MBNL3: variants seen among roughly 807,000 people sequenced by gnomAD.
The protein encoded by MBNL3 is muscleblind-like protein 3.
A neutral mutation model predicts 24.5 loss-of-function variants in MBNL3; 6 were observed. The ratio of observed to expected loss-of-function variants is 0.25; its 90% confidence interval spans 0.13 to 0.48. The LOEUF is 0.48. Ranked by LOEUF, MBNL3 falls within the 20% of genes least tolerant of loss-of-function variation. The pLI is 0.99. For synonymous variants in MBNL3, 100 were observed against 101.7 expected (o/e 0.98, Z 0.10); for missense variants, 230 against 293.5 (o/e 0.78, Z 1.58).
At chrX:132,415,259 T>C (rs1041499742) in intron 2 of MBNL3, among the ~76,000 whole-genome samples, 1 of 112,327 alleles carries the variant, frequency 8.9e-6, no homozygotes, top group Non-Finnish European at 1.9e-5. Flanking sequence ...AGTTTTGCAC[T>C]AACCTTAAAC....
At chrX:132,422,127 ATGTGTGTG>A (rs113734916) in intron 2 of MBNL3, among the ~76,000 whole-genome samples, 7 of 101,970 alleles carry the variant, frequency 6.9e-5, no homozygotes, top group African/African-American at 1.1e-4. Flanking sequence ...TGAATATACT[ATGTGTGTG>A]TGTGTGTGTG....
chrX:132,413,709 C>T (rs957230962), intron 2 of MBNL3: 11 of 749,865 alleles, frequency 1.5e-5, no homozygotes, highest in South Asian at 4.2e-5. Context: ...TCCCACCCAC[C>T]GGTGGCGCAA....
chrX:132,473,581 T>C (rs1191104159), intron 1 of MBNL3, among the ~76,000 whole-genome samples: 1 of 111,121 alleles, frequency 9.0e-6, no homozygotes, highest in Non-Finnish European at 1.9e-5. Context: ...CATAAAAAGC[T>C]AAAAGCTGAA....
chrX:132,461,264 C>T (rs752368963), intron 1 of MBNL3, among the ~76,000 whole-genome samples: 2 of 111,307 alleles, frequency 1.8e-5, no homozygotes, highest in Non-Finnish European at 3.8e-5. Context: ...TAGCTCAACA[C>T]AGTGAAGAGC....
intron 1 of MBNL3, among the ~76,000 whole-genome samples, chrX:132,450,431 A>T (rs760929563): frequency 1.8e-5 from 2 of 111,689 alleles, no homozygotes; most frequent in Non-Finnish European, 3.8e-5. Context: ...AATCTCTGAT[A>T]TCCTTTCTTC....
At chrX:132,403,452 T>C (rs1411681677) in intron 3 of MBNL3, among the ~76,000 whole-genome samples, 9 of 112,002 alleles carry the variant, frequency 8.0e-5, no homozygotes. Flanking sequence ...TAACATTCTA[T>C]AAAATAAATT....
chrX:132,397,035 G>A (rs1012449514), intron 3 of MBNL3, among the ~76,000 whole-genome samples: 2 of 97,322 alleles, frequency 2.1e-5, no homozygotes, highest in Non-Finnish European at 4.1e-5. Context: ...AATTGAAAAT[G>A]TTTGGCTTTG....
chrX:132,424,734 A>G (rs1437810087), intron 2 of MBNL3, among the ~76,000 whole-genome samples: 1 of 108,556 alleles, frequency 9.2e-6, no homozygotes, highest in African/African-American at 3.4e-5. Flanking sequence ...GTGTCTCTTA[A>G]CTTCTTTCTT....
intron 1 of MBNL3, among the ~76,000 whole-genome samples, chrX:132,441,341 C>T (rs1367542011): frequency 4.5e-5 from 5 of 111,769 alleles, no homozygotes; most frequent in Admixed American, 3.8e-4. Flanking sequence ...GTGAATTTTC[C>T]AGCTCTCTTC....
chrX:132,442,802 G>A (rs2148448137), intron 1 of MBNL3, among the ~76,000 whole-genome samples: 1 of 112,009 alleles, frequency 8.9e-6, no homozygotes, highest in South Asian at 3.7e-4. Flanking sequence ...ATGAAGCCCT[G>A]GCCAATTCTT....
chrX:132,385,971 C>G (rs1395030965), intron 6 of MBNL3, among the ~76,000 whole-genome samples: 2 of 109,860 alleles, frequency 1.8e-5, no homozygotes, highest in Non-Finnish European at 3.8e-5. Flanking sequence ...AGACTATATG[C>G]TCATTCTTAA....
intron 1 of MBNL3, among the ~76,000 whole-genome samples, chrX:132,463,525 A>G (rs929240453): frequency 8.9e-6 from 1 of 112,108 alleles, no homozygotes; most frequent in Non-Finnish European, 1.9e-5. Flanking sequence ...TTTTCATTAA[A>G]AAATCGAATT....
chrX:132,464,993 T>C (rs1946816191), intron 1 of MBNL3, among the ~76,000 whole-genome samples: 1 of 111,847 alleles, frequency 8.9e-6, no homozygotes, highest in African/African-American at 3.3e-5. Context: ...TGCAGTGAGC[T>C]GAGATTGCTC....
In MBNL3 at chrX:132,440,146, A is replaced by G. The variant is rs779011256; in HGVS notation, c.-535T>C. Among the ~76,000 whole-genome samples the G allele has an allele frequency of 1.8e-5, 2 of 110,482 alleles. No individual in the cohort carries two copies. Among genetic ancestry groups the G allele is most frequent in the Non-Finnish European group, 3.8e-5 (2 of 52,896 alleles). On this transcript the variant is annotated 5_prime_UTR_variant, in exon 2 of 9. Coordinates refer to ENST00000370853, the MANE Select transcript of MBNL3 (RefSeq NM_001386889.1). Reference sequence around the variant, plus strand: ...AAAATGACTAAGAAAATTGAGAATCACAGAAAAAAGAAATGGACCAGCTGC... The same window carrying G: ...AAAATGACTAAGAAAATTGAGAATCGCAGAAAAAAGAAATGGACCAGCTGC...
chrX:132,452,059 A>C (rs1407200412), intron 1 of MBNL3, among the ~76,000 whole-genome samples: 2 of 110,504 alleles, frequency 1.8e-5, no homozygotes, highest in Non-Finnish European at 3.8e-5. Flanking sequence ...TGCAGAAATC[A>C]CCTGTCTTCT....
intron 1 of MBNL3, among the ~76,000 whole-genome samples, chrX:132,457,097 C>G (rs1289481166): frequency 1.8e-5 from 2 of 111,817 alleles, no homozygotes; most frequent in Non-Finnish European, 3.8e-5. Flanking sequence ...AGCTATAATA[C>G]TACAACAAGA....
In MBNL3 at chrX:132,401,055, T is replaced by C. The variant is rs781694821; in HGVS notation, c.342+5173A>G. Among the ~76,000 whole-genome samples, 3 of 112,094 alleles carry C rather than the reference T, an allele frequency of 2.7e-5. No homozygotes were observed. In the South Asian group the frequency reaches 1.1e-3, roughly 42 times the overall value. ...TGAAAAACCTGCTGCAGAACCTTCA[T>C]TAAAATGTTATAATTTCTGTACTGA... is the stretch of plus-strand genomic sequence containing the variant. On this transcript the variant is annotated intron_variant, in intron 3 of 8. Transcript: ENST00000370853.
chrX:132,420,922 C>T (rs1190959921), intron 2 of MBNL3, among the ~76,000 whole-genome samples: 3 of 112,100 alleles, frequency 2.7e-5, no homozygotes, highest in African/African-American at 6.5e-5. Context: ...TCAACTGTTT[C>T]GGAAGCAGGT....
intron 2 of MBNL3, among the ~76,000 whole-genome samples, chrX:132,418,167 T>C (rs1179278444): frequency 7.1e-5 from 8 of 112,127 alleles, no homozygotes; most frequent in East Asian, 5.5e-4. Context: ...ATTAATATCA[T>C]GAAAGTAGTC....
Sources: gnomAD v4.1 joint callset for allele counts (sites outside exome capture counted in the v4.1 genomes callset) on GRCh38, gnomAD v4.1.1 for gene constraint, MANE v1.5 for transcripts, NCBI Gene and HGNC (gene_info 2026-07-23, HGNC 2026-07-21) for gene names.